The following PLXNA4 variants were observed in gnomAD, a reference collection of about 807,000 sequenced individuals.
The protein encoded by PLXNA4 is plexin A4.
In PLXNA4, 44 loss-of-function variants were observed where a neutral mutation model predicts 191.8. That is an observed-to-expected ratio of 0.23 (90% CI 0.18 to 0.29). PLXNA4 has a LOEUF of 0.29. Ranked by LOEUF, PLXNA4 falls within the 10% of genes least tolerant of loss-of-function variation. The pLI, the probability that PLXNA4 is intolerant of heterozygous loss-of-function variation, is 1.00. For missense variants in PLXNA4, 1,800 were observed against 2,488.8 expected (o/e 0.72, Z 5.89); for synonymous variants, 1,082 against 1,009.5 (o/e 1.07, Z -1.36).
At chr7:132,223,859 C>T (rs1798225333) in intron 8 of PLXNA4, among the ~76,000 whole-genome samples, 1 of 152,176 alleles carries the variant, frequency 6.6e-6, no homozygotes, top group Non-Finnish European at 1.5e-5. Flanking sequence ...ATGTAGCTGA[C>T]AACCCCGTTC....
rs5887566 is a variant in PLXNA4 at position 132,322,184 on chromosome 7, C to CTTTTTTTTTTTTTTTTTTTTTTTTTTT, written c.1372-23963_1372-23962insAAAAAAAAAAAAAAAAAAAAAAAAAAA. ...CTAGAGTTCAATTTCCCTAAAAGGG[C>CTTTTTTTTTTTTTTTTTTTTTTTTTTT]TTTTTTTTTTTTTTTTTTAACAGAG... On this transcript the variant is annotated intron_variant, in intron 3 of 31. Transcript: ENST00000321063. 1.1e-4 allele frequency among the ~76,000 whole-genome samples: 13 copies of CTTTTTTTTTTTTTTTTTTTTTTTTTTT among 122,492 alleles called. 1 individual carries two copies. Among genetic ancestry groups the CTTTTTTTTTTTTTTTTTTTTTTTTTTT allele is most frequent in the Admixed American group, 4.7e-4 (5 of 10,620 alleles). 80.4% of individuals were successfully genotyped at this position (122,492 alleles called of 152,430 possible).
At chr7:132,437,879 A>G (rs1795536506) in intron 3 of PLXNA4, among the ~76,000 whole-genome samples, 1 of 152,192 alleles carries the variant, frequency 6.6e-6, no homozygotes, top group Non-Finnish European at 1.5e-5. Flanking sequence ...AGTGGAAAAC[A>G]CTGTCTCCAC....
chr7:132,477,374 C>T lies in PLXNA4; in HGVS notation c.1371+11918G>A, dbSNP rs891315368. Among the ~76,000 whole-genome samples, 7 of 152,316 alleles carry T rather than the reference C, an allele frequency of 4.6e-5. No homozygotes were observed. In the South Asian group the frequency reaches 6.2e-4, roughly 14 times the overall value. Reference sequence around the variant, plus strand: ...AGCAGTAGCTTTAACAACCACGGCACGGTTCTGCCATCTCTCTTTTCCTTT... The same window carrying T: ...AGCAGTAGCTTTAACAACCACGGCATGGTTCTGCCATCTCTCTTTTCCTTT... On this transcript the variant is annotated intron_variant, in intron 3 of 31. Coordinates refer to ENST00000321063, the MANE Select transcript of PLXNA4 (RefSeq NM_020911.2).
chr7:132,470,594 GAAGTT>G (rs1191674276), intron 3 of PLXNA4, among the ~76,000 whole-genome samples: 1 of 152,174 alleles, frequency 6.6e-6, no homozygotes, highest in Non-Finnish European at 1.5e-5. Context: ...AAGATATCAT[GAAGTT>G]AAGAACCTTG....
chr7:132,226,072 G>T, intron 8 of PLXNA4, 89 bp downstream of exon 8: 2 of 1,244,634 alleles, frequency 1.6e-6, no homozygotes, highest in Non-Finnish European at 2.3e-6. Flanking sequence ...TCTAAATGGT[G>T]ACTCCCTGGG....
At chr7:132,404,468 G>A (rs775777421) in intron 3 of PLXNA4, among the ~76,000 whole-genome samples, 4 of 152,170 alleles carry the variant, frequency 2.6e-5, no homozygotes, top group Non-Finnish European at 5.9e-5. Flanking sequence ...GGGGCAGTGG[G>A]CAGGTGGCCT....
At chr7:132,186,256 C>T (rs1293537362) in intron 15 of PLXNA4, among the ~76,000 whole-genome samples, 1 of 152,170 alleles carries the variant, frequency 6.6e-6, no homozygotes, top group Non-Finnish European at 1.5e-5. Flanking sequence ...ACAGTAGGAC[C>T]AGGGGAGGCA....
chr7:132,234,653 G>C (rs1358865786), intron 5 of PLXNA4, among the ~76,000 whole-genome samples: 1 of 151,168 alleles, frequency 6.6e-6, no homozygotes, highest in African/African-American at 2.4e-5. Context: ...GCTTGGCGGG[G>C]GGCAGGGTTA....
At chr7:132,391,917 A>T (rs1214143394) in intron 3 of PLXNA4, among the ~76,000 whole-genome samples, 2 of 152,126 alleles carry the variant, frequency 1.3e-5, no homozygotes, top group African/African-American at 2.4e-5. Context: ...ACCTGAGGTC[A>T]GGAGTTTAAG....
intron 3 of PLXNA4, among the ~76,000 whole-genome samples, chr7:132,431,131 A>G (rs1239459618): frequency 6.6e-6 from 1 of 152,218 alleles, no homozygotes; most frequent in East Asian, 1.9e-4. Flanking sequence ...GTCCATGTGA[A>G]GCTGAGATGT....
chr7:132,149,001 G>A (rs1427209177), intron 25 of PLXNA4, among the ~76,000 whole-genome samples: 1 of 152,200 alleles, frequency 6.6e-6, no homozygotes, highest in Non-Finnish European at 1.5e-5. Context: ...AAAGCATGAG[G>A]CAAATGCAAA....
At chr7:132,647,756 A>C (rs977824413) in intron 1 of PLXNA4, among the ~76,000 whole-genome samples, 3 of 147,394 alleles carry the variant, frequency 2.0e-5, no homozygotes, top group Non-Finnish European at 4.5e-5. Flanking sequence ...ACACACATAC[A>C]TATACACTCA....
At chr7:132,285,582 C>T (rs1018651071) in intron 4 of PLXNA4, among the ~76,000 whole-genome samples, 2 of 152,096 alleles carry the variant, frequency 1.3e-5, no homozygotes, top group African/African-American at 2.4e-5. Context: ...TAAATAAATG[C>T]CATTTGTAAT....
intron 3 of PLXNA4, among the ~76,000 whole-genome samples, chr7:132,435,482 C>T (rs1237218115): frequency 6.6e-6 from 1 of 152,142 alleles, no homozygotes; most frequent in Non-Finnish European, 1.5e-5. Flanking sequence ...CCACCACCAT[C>T]CTCCAACCAC....
chr7:132,272,034 G>C (rs1800096046), intron 4 of PLXNA4, among the ~76,000 whole-genome samples: 1 of 152,110 alleles, frequency 6.6e-6, no homozygotes, highest in African/African-American at 2.4e-5. Context: ...AGAGCACAGG[G>C]GGAAGACACT....
chr7:132,455,809 C>T (rs1052127150), intron 3 of PLXNA4, among the ~76,000 whole-genome samples: 15 of 152,178 alleles, frequency 9.9e-5, no homozygotes, highest in Non-Finnish European at 1.9e-4. Context: ...GGGTGCCTGG[C>T]TCCCAGTGAC....
At chr7:132,392,952 ACCT>A (rs1321621720) in intron 3 of PLXNA4, among the ~76,000 whole-genome samples, 1 of 151,186 alleles carries the variant, frequency 6.6e-6, no homozygotes, top group Non-Finnish European at 1.5e-5. Flanking sequence ...GCAGCAGAGG[ACCT>A]CCTCCGGTTG....
intron 2 of PLXNA4, among the ~76,000 whole-genome samples, chr7:132,620,259 G>A (rs1364159449): frequency 6.6e-6 from 1 of 151,924 alleles, no homozygotes; most frequent in South Asian, 2.1e-4. Flanking sequence ...CTGGATAAGC[G>A]GCCTGCCTCT....
intron 2 of PLXNA4, among the ~76,000 whole-genome samples, chr7:132,614,436 C>CCTGA (rs1803111805): frequency 6.6e-6 from 1 of 152,186 alleles, no homozygotes. Context: ...TGAAAGATAG[C>CCTGA]AGGATGCAGC....
Sources: allele counts gnomAD v4.1 joint callset (sites outside exome capture counted in the v4.1 genomes callset), GRCh38; gene constraint gnomAD v4.1.1; transcripts MANE v1.5; gene names NCBI Gene and HGNC (gene_info 2026-07-23, HGNC 2026-07-21).